CLMP: variants seen among roughly 807,000 people sequenced by gnomAD.
The protein encoded by CLMP is CXADR-like membrane protein.
In CLMP, 27 loss-of-function variants were observed where a neutral mutation model predicts 45.2. The ratio of observed to expected loss-of-function variants is 0.60; its 90% CI spans 0.44 to 0.82. The LOEUF is 0.82. CLMP is among the 40% of genes least tolerant of loss of function. CLMP has a pLI of 0.00. For synonymous variants in CLMP, 167 were observed against 171.4 expected (o/e 0.97, Z 0.20); for missense variants, 403 against 448.4 (o/e 0.90, Z 0.91).
chr11:123,115,201 C>A (rs576191693), intron 1 of CLMP, among the ~76,000 whole-genome samples: 14 of 151,292 alleles, frequency 9.3e-5, no homozygotes, highest in African/African-American at 2.7e-4. Flanking sequence ...ACCAGCACAC[C>A]TGGCTAATTT....
chr11:123,185,333 G>GTCTGTCTGTCTTGTTA (rs1349097798), intron 1 of CLMP, among the ~76,000 whole-genome samples: 2 of 152,082 alleles, frequency 1.3e-5, no homozygotes, highest in African/African-American at 4.8e-5. Context: ...TTTGTTCTCT[G>GTCTGTCTGTCTTGTTA]TCTGTCTGTC....
intron 1 of CLMP, among the ~76,000 whole-genome samples, chr11:123,150,480 A>AAAGAAAGAAAGACAGGAAGGAAGG (rs764502298): frequency 2.4e-5 from 1 of 40,962 alleles, no homozygotes; most frequent in Non-Finnish European, 4.7e-5. Flanking sequence ...AGAAAGAAAG[A>AAAGAAAGAAAGACAGGAAGGAAGG]AAGGAAGGAA....
chr11:123,094,123 G>A (rs1865964233), intron 2 of CLMP, among the ~76,000 whole-genome samples: 1 of 152,122 alleles, frequency 6.6e-6, no homozygotes, highest in African/African-American at 2.4e-5. Flanking sequence ...GTTCATTTGT[G>A]TTGTTTTGAA....
intron 1 of CLMP, chr11:123,135,926 T>C (rs1861064731): frequency 3.7e-6 from 2 of 546,910 alleles, no homozygotes; most frequent in Non-Finnish European, 7.4e-6. Context: ...GTCCTTAAGA[T>C]GCAAGTCCGA....
chr11:123,096,898 C>T (rs1375000034), intron 2 of CLMP, among the ~76,000 whole-genome samples: 3 of 151,730 alleles, frequency 2.0e-5, no homozygotes, highest in Non-Finnish European at 4.4e-5. Flanking sequence ...GCAGCCTTGA[C>T]CTCCTGGGCT....
intron 1 of CLMP, among the ~76,000 whole-genome samples, chr11:123,185,608 C>G (rs1008691600): frequency 2.0e-5 from 3 of 152,198 alleles, no homozygotes; most frequent in Non-Finnish European, 4.4e-5. Flanking sequence ...CTGCCCTTCC[C>G]TATTGGTGGG....
At chr11:123,169,124 G>A (rs993700578) in intron 1 of CLMP, among the ~76,000 whole-genome samples, 1 of 152,266 alleles carries the variant, frequency 6.6e-6, no homozygotes, top group East Asian at 1.9e-4. Flanking sequence ...AGGCAGCTGG[G>A]CTCCCCAAAG....
At chr11:123,137,929 C>A (rs1861102380) in intron 1 of CLMP, among the ~76,000 whole-genome samples, 1 of 152,140 alleles carries the variant, frequency 6.6e-6, no homozygotes, top group African/African-American at 2.4e-5. Context: ...AACTAGACCA[C>A]CAGTATCCCA....
chr11:123,183,728 C>T (rs11219054), intron 1 of CLMP, among the ~76,000 whole-genome samples: 2 of 152,136 alleles, frequency 1.3e-5, no homozygotes, highest in South Asian at 2.1e-4. Flanking sequence ...CCAGAGAAGA[C>T]AGCCTTACCT....
At chr11:123,073,883 G>C in intron 6 of CLMP, 109 bp from the exon 7 acceptor site, 1 of 1,137,942 alleles carries the variant, frequency 8.8e-7, no homozygotes, top group Non-Finnish European at 1.2e-6. Flanking sequence ...TAATACCATC[G>C]GAAGGCAACC....
In CLMP at chr11:123,074,857, A is replaced by G; in HGVS notation, c.680-14T>C. On this transcript the variant is annotated splice_polypyrimidine_tract_variant and intron_variant, in intron 5 of 6. Transcript: ENST00000448775. ...TGCTTTGTACATCTATTTTCTCAGA[A>G]GCAAAAGCACAAGTAAAACCAAACG... 1 of 1,611,344 alleles carries G rather than the reference A, an allele frequency of 6.2e-7. No individual in the cohort carries two copies. Among genetic ancestry groups the G allele is most frequent in the Admixed American group, 1.7e-5 (1 of 59,238 alleles).
intron 1 of CLMP, among the ~76,000 whole-genome samples, chr11:123,176,490 C>G (rs1479991421): frequency 6.6e-6 from 1 of 152,192 alleles, no homozygotes; most frequent in Non-Finnish European, 1.5e-5. Context: ...CCCGCAGGCA[C>G]CACTACTCCA....
At chr11:123,150,871 C>A (rs1861328231) in intron 1 of CLMP, among the ~76,000 whole-genome samples, 1 of 152,084 alleles carries the variant, frequency 6.6e-6, no homozygotes, top group Non-Finnish European at 1.5e-5. Flanking sequence ...CACATGCCAC[C>A]ACTCCTAGCA....
chr11:123,183,080 T>G (rs1485133600), intron 1 of CLMP, among the ~76,000 whole-genome samples: 2 of 152,224 alleles, frequency 1.3e-5, no homozygotes, highest in African/African-American at 2.4e-5. Flanking sequence ...CCTTCAGTAC[T>G]TGCTCTTCTA....
At chr11:123,175,945 C>G (rs115823529) in intron 1 of CLMP, among the ~76,000 whole-genome samples, 1,802 of 152,314 alleles carry the variant, frequency 0.012, 23 homozygotes, top group African/African-American at 0.036. Context: ...AAATGCTAGC[C>G]ATTCCCTAGC....
intron 1 of CLMP, among the ~76,000 whole-genome samples, chr11:123,128,138 C>T (rs1419044588): frequency 6.6e-6 from 1 of 151,510 alleles, no homozygotes; most frequent in Non-Finnish European, 1.5e-5. Context: ...TAGTAATTCC[C>T]CATATTTATA....
chr11:123,097,346 CT>C (rs963912263), intron 2 of CLMP, among the ~76,000 whole-genome samples: 1 of 150,764 alleles, frequency 6.6e-6, no homozygotes, highest in African/African-American at 2.4e-5. Context: ...TTCTTTCTTT[CT>C]TTTTTTTTGA....
intron 1 of CLMP, among the ~76,000 whole-genome samples, chr11:123,142,976 TTTC>T (rs1419652494): frequency 6.6e-6 from 1 of 152,154 alleles, no homozygotes; most frequent in African/African-American, 2.4e-5. Flanking sequence ...GAGCCCATGA[TTTC>T]TTCTTGCCAG....
At chr11:123,104,200 A>G (rs959443672) in intron 1 of CLMP, among the ~76,000 whole-genome samples, 6 of 122,334 alleles carry the variant, frequency 4.9e-5, no homozygotes, top group African/African-American at 1.6e-4. Flanking sequence ...CAGTGCTGTG[A>G]TCTCGGGTTC....
Sources: gnomAD v4.1 joint callset for allele counts (sites outside exome capture counted in the v4.1 genomes callset) on GRCh38, gnomAD v4.1.1 for gene constraint, MANE v1.5 for transcripts, NCBI Gene and HGNC (gene_info 2026-07-23, HGNC 2026-07-21) for gene names.